The following GALNT14 variants were observed in gnomAD, a reference collection of about 807,000 sequenced individuals.
GALNT14 encodes polypeptide N-acetylgalactosaminyltransferase 14.
A neutral mutation model predicts 77.5 loss-of-function variants in GALNT14; 60 were observed. The observed-to-expected ratio is 0.77, with a 90% CI of 0.63 to 0.96. GALNT14 has a LOEUF of 0.96. Ranked by LOEUF, GALNT14 falls within the 40% of genes least tolerant of loss-of-function variation. The pLI is 0.00. For synonymous variants in GALNT14, 280 were observed against 281.7 expected, an observed-to-expected ratio of 0.99 and a Z score of 0.06; for missense variants, 710 against 731.0, an observed-to-expected ratio of 0.97 and a Z score of 0.33.
intron 1 of GALNT14, among the ~76,000 whole-genome samples, chr2:31,078,573 C>G (rs1303116462): frequency 1.3e-5 from 2 of 152,164 alleles, no homozygotes; most frequent in African/African-American, 4.8e-5. Context: ...TTTCTCTTCC[C>G]ACTCCTTGGA....
intron 2 of GALNT14, among the ~76,000 whole-genome samples, chr2:30,969,579 G>C (rs1164073463): frequency 1.3e-5 from 2 of 152,232 alleles, no homozygotes; most frequent in Non-Finnish European, 2.9e-5. Context: ...ACTCTGCCTG[G>C]AGTGGCAAAG....
At chr2:30,907,626 G>A (rs1213433961), downstream of GALNT14, among the ~76,000 whole-genome samples, 1 of 151,930 alleles carries the variant, frequency 6.6e-6, no homozygotes, top group African/African-American at 2.4e-5. Flanking sequence ...AATTCTACCA[G>A]AGGTACAAGG....
chr2:31,121,526 T>C (rs1380683673), intron 1 of GALNT14, among the ~76,000 whole-genome samples: 1 of 152,214 alleles, frequency 6.6e-6, no homozygotes, highest in Non-Finnish European at 1.5e-5. Context: ...TGACACACTC[T>C]GGTTTTAGAA....
At chr2:30,904,660 G>C in the GALNT14 span, among the ~76,000 whole-genome samples, 6 of 152,230 alleles carry the variant, frequency 3.9e-5, no homozygotes, top group African/African-American at 1.4e-4. Context: ...GCCCAGGCTT[G>C]ATTAGGTAAA....
intron 1 of GALNT14, among the ~76,000 whole-genome samples, chr2:31,042,223 C>G (rs894812746): frequency 6.6e-6 from 1 of 152,114 alleles, no homozygotes; most frequent in Admixed American, 6.5e-5. Flanking sequence ...GTTAGCTCCC[C>G]TGGTGAATAT....
At chr2:31,069,458 GAAGGA>G (rs1350815415) in intron 1 of GALNT14, among the ~76,000 whole-genome samples, 1 of 152,204 alleles carries the variant, frequency 6.6e-6, no homozygotes. Context: ...ATAGCCCTAG[GAAGGA>G]AACACTGTTA....
intron 6 of GALNT14, among the ~76,000 whole-genome samples, chr2:30,953,316 T>C (rs1422272368): frequency 7.4e-5 from 11 of 148,892 alleles, no homozygotes; most frequent in African/African-American, 2.5e-4. Context: ...TTTTTTTTTT[T>C]TTTTTTTTTT....
At chr2:31,079,497 G>C (rs772879310) in intron 1 of GALNT14, among the ~76,000 whole-genome samples, 10 of 152,190 alleles carry the variant, frequency 6.6e-5, no homozygotes, top group Non-Finnish European at 1.0e-4. Flanking sequence ...AATGAAGGCT[G>C]CCAGGTGGAG....
intron 1 of GALNT14, among the ~76,000 whole-genome samples, chr2:31,113,590 G>T (rs1403835159): frequency 1.3e-5 from 2 of 152,134 alleles, no homozygotes; most frequent in Non-Finnish European, 2.9e-5. Flanking sequence ...TTCTGGTGCT[G>T]CAAGGAACCA....
intron 1 of GALNT14, among the ~76,000 whole-genome samples, chr2:31,102,337 G>T (rs1677321650): frequency 6.6e-6 from 1 of 151,874 alleles, no homozygotes; most frequent in African/African-American, 2.4e-5. Flanking sequence ...CATTTGTTCT[G>T]CTATTGAGTG....
intron 1 of GALNT14, among the ~76,000 whole-genome samples, chr2:31,044,153 G>C (rs1306802999): frequency 6.6e-6 from 1 of 152,188 alleles, no homozygotes; most frequent in Non-Finnish European, 1.5e-5. Context: ...GCCTTTTAAA[G>C]CCACAGGTTG....
chr2:31,057,195 T>C (rs1674267193), intron 1 of GALNT14, among the ~76,000 whole-genome samples: 1 of 151,456 alleles, frequency 6.6e-6, no homozygotes, highest in Non-Finnish European at 1.5e-5. Context: ...GCTCATTACC[T>C]GGGTGATGGA....
chr2:30,943,628 C>G (rs150854385), intron 8 of GALNT14, among the ~76,000 whole-genome samples: 1 of 152,204 alleles, frequency 6.6e-6, no homozygotes. Flanking sequence ...ACCCTTTGCT[C>G]TTCCCACACC....
downstream of GALNT14, among the ~76,000 whole-genome samples, chr2:30,908,852 A>G (rs1287773086): frequency 6.7e-6 from 1 of 149,652 alleles, no homozygotes; most frequent in Non-Finnish European, 1.5e-5. Flanking sequence ...TACTGGTACC[A>G]AAACAGAGAT....
chr2:31,000,099 C>T (rs1458692908), intron 1 of GALNT14, among the ~76,000 whole-genome samples: 1 of 152,146 alleles, frequency 6.6e-6, no homozygotes, highest in Non-Finnish European at 1.5e-5. Flanking sequence ...AGGTAGTAAG[C>T]ACACACTAGG....
At chr2:31,106,976 TG>T (rs1677590580) in intron 1 of GALNT14, among the ~76,000 whole-genome samples, 1 of 152,232 alleles carries the variant, frequency 6.6e-6, no homozygotes, top group South Asian at 2.1e-4. Flanking sequence ...TGGAGATTTC[TG>T]GGCTGCTGAA....
chr2:31,024,653 G>A (rs745781446), intron 1 of GALNT14, among the ~76,000 whole-genome samples: 1 of 152,158 alleles, frequency 6.6e-6, no homozygotes, highest in Admixed American at 6.5e-5. Context: ...CACCAGAGAG[G>A]TTATATATAT....
chr2:31,013,674 T>C (rs1671174903), intron 1 of GALNT14, among the ~76,000 whole-genome samples: 1 of 152,152 alleles, frequency 6.6e-6, no homozygotes, highest in Non-Finnish European at 1.5e-5. Flanking sequence ...GAATCCACTA[T>C]GGCAGACTTC....
chr2:30,966,680 T>C (rs1032309190), intron 2 of GALNT14, among the ~76,000 whole-genome samples: 3 of 152,130 alleles, frequency 2.0e-5, no homozygotes, highest in Non-Finnish European at 4.4e-5. Context: ...TTTCAGCCCA[T>C]CTGCCCACAC....
Sources: gnomAD v4.1 joint callset for allele counts (sites outside exome capture counted in the v4.1 genomes callset) on GRCh38, gnomAD v4.1.1 for gene constraint, MANE v1.5 for transcripts, NCBI Gene and HGNC (gene_info 2026-07-23, HGNC 2026-07-21) for gene names.